The following TPRG1L variants were observed in gnomAD, a reference collection of about 807,000 sequenced individuals.
TPRG1L encodes the protein tumor protein p63 regulated 1 like.
In TPRG1L, 25 loss-of-function variants were observed where a neutral mutation model predicts 29.4. That is an observed-to-expected ratio of 0.85 (90% CI 0.62 to 1.19). TPRG1L has a LOEUF of 1.19. TPRG1L is among the 50% of genes most tolerant of loss of function. The probability of loss-of-function intolerance (pLI) is 0.00; values close to 1 mark genes in which losing one functional copy is unlikely to be tolerated. For missense variants in TPRG1L, 354 were observed against 364.4 expected, an observed-to-expected ratio of 0.97 and a Z score of 0.23; for synonymous variants, 182 against 151.1, an observed-to-expected ratio of 1.20 and a Z score of -1.50.
chr1:3,628,714 C>G lies in TPRG1L; in HGVS notation c.*111C>G. 3 of 991,184 alleles carry G rather than the reference C, an allele frequency of 3.0e-6. No homozygotes were observed. The highest frequency in any genetic ancestry group is 4.4e-6 in the Non-Finnish European group (3 of 681,682). The allele number at this position is 991,184 out of a possible 1,614,324, so 61.4% of individuals were successfully genotyped here. A position where few individuals can be genotyped will look rare whatever the true frequency, so the allele number is the denominator to read the frequency against. On this transcript the variant is annotated 3_prime_UTR_variant, in exon 5 of 5. Coordinates refer to ENST00000378344, the MANE Select transcript of TPRG1L (RefSeq NM_182752.4). The stretch of plus-strand genomic sequence containing the variant: ...GAGGCCTGGCAGTCTTCATGCTGCC[C>G]TGCTGCTGCTGGAAGGATGGGGATC...
Position 3,628,684 on chromosome 1 carries a change from A to T in TPRG1L, c.*81A>T. 1 of 1,413,760 alleles carries T rather than the reference A, an allele frequency of 7.1e-7. No individual in the cohort carries two copies. Among genetic ancestry groups the T allele is most frequent in the South Asian group, 1.4e-5 (1 of 73,196 alleles). The allele number at this position is 1,413,760 out of a possible 1,614,324, so 87.6% of individuals were successfully genotyped here. On this transcript the variant is annotated 3_prime_UTR_variant, in exon 5 of 5. Transcript: ENST00000378344. Reference sequence around the variant, plus strand: ...GGCCAAGGGATGTGGGGGCTGGGGGACTGGGAGGCCTGGCAGTCTTCATGC... The same window carrying T: ...GGCCAAGGGATGTGGGGGCTGGGGGTCTGGGAGGCCTGGCAGTCTTCATGC...
Position 3,627,568 on chromosome 1 carries a change from A to T in TPRG1L, c.539A>T (p.Asn180Ile). Residue 180 changes from asparagine (N) to isoleucine (I), a missense_variant, in exon 4 of 5, where the codon AAT becomes ATT. Asn to Ile is a moderately radical substitution (Grantham distance 149). Coordinates refer to ENST00000378344, the MANE Select transcript of TPRG1L (RefSeq NM_182752.4). ...QSRPSFINRW[N>I]PWSTNVPYAT... is the part of the protein sequence containing the mutation. ...CGTCCTTCCTTCATAAACAGATGGA[A>T]TCCCTGGTCTACCAACGTGCCCTAT... 1 of 1,614,080 alleles carries T rather than the reference A, an allele frequency of 6.2e-7. No homozygotes were observed. The highest frequency in any genetic ancestry group is 8.5e-7 in the Non-Finnish European group (1 of 1,180,024).
Position 3,629,347 on chromosome 1 carries a change from C to T in TPRG1L, c.*744C>T, listed in dbSNP as rs910362220. The T allele has an allele frequency of 1.3e-5, 2 of 152,232 alleles. No individual in the cohort carries two copies. Among genetic ancestry groups the T allele is most frequent in the African/African-American group, 4.8e-5 (2 of 41,464 alleles). The allele number at this position is 152,232 out of a possible 1,614,324, so 9.4% of individuals were successfully genotyped here. A position where few individuals can be genotyped will look rare whatever the true frequency, so the allele number is the denominator to read the frequency against. On this transcript the variant is annotated 3_prime_UTR_variant, in exon 5 of 5. Transcript: ENST00000378344. ...GACAGTTCTTTGCACACAAGTTTTA[C>T]ACCTCTCTGGATTCGAAGTTTGTAT...
At chr1:3,627,029 G>A (rs921141659) in intron 3 of TPRG1L, among the ~76,000 whole-genome samples, 22 of 152,140 alleles carry the variant, frequency 1.4e-4, no homozygotes, top group Non-Finnish European at 7.4e-5. Context: ...ACCACAGGCC[G>A]GCCAGGCACG....
At position 3,625,381 on chromosome 1, in the gene TPRG1L, C is replaced by T. The variant is rs1173470775; in HGVS notation, c.202-43C>T. ...CGGTCCCGCAGGGAGCGAGCTGTGA[C>T]CTGTGATCTTTGCCCCCGTCCCCCA... On this transcript the variant is annotated intron_variant, in intron 1 of 4. Transcript: ENST00000378344. 1.1e-5 allele frequency: 17 copies of T among 1,551,214 alleles called. No homozygotes were observed. In the South Asian group the frequency reaches 1.5e-4, roughly 14 times the overall value.
In TPRG1L at chr1:3,628,389, A is replaced by G; in HGVS notation, c.625-20A>G. ...TATCTTGCCTGACAGTTAAAGCTCC[A>G]TGTTTTTCTCTCTTTAAAGTTGGAA... is the stretch of plus-strand genomic sequence containing the variant. On this transcript the variant is annotated intron_variant, in intron 4 of 4. Coordinates refer to ENST00000378344, the MANE Select transcript of TPRG1L (RefSeq NM_182752.4). 6.4e-7 allele frequency: 1 copy of G among 1,573,420 alleles called. No homozygotes were observed. Among genetic ancestry groups the G allele is most frequent in the Non-Finnish European group, 8.7e-7 (1 of 1,155,214 alleles).
At position 3,628,543 on chromosome 1, in the gene TPRG1L, CTTCA is replaced by C; in HGVS notation, c.762_765del (p.Phe254LeufsTer11). On this transcript the variant is annotated frameshift_variant, in exon 5 of 5. Transcript: ENST00000378344. LOFTEE classifies it high-confidence loss of function. ...TCGAGACCTACGTGGGACTCATGTC[CTTCA>C]TTAACAACGAGGCGAAACTGGGCTA... is the stretch of plus-strand genomic sequence containing the variant. 1.2e-6 allele frequency: 2 copies of C among 1,613,768 alleles called. No homozygotes were observed. Among genetic ancestry groups the C allele is most frequent in the Non-Finnish European group, 1.7e-6 (2 of 1,179,700 alleles).
Position 3,625,858 on chromosome 1 carries a change from G to T in TPRG1L, c.439G>T (p.Glu147Ter), listed in dbSNP as rs148462952. The T allele has an allele frequency of 1.9e-6, 3 of 1,612,540 alleles. No homozygotes were observed. The African/African-American group carries it at 4.0e-5, about 22-fold the overall frequency. Reference sequence around the variant, plus strand: ...CGCAGTAGACACCATTTCCTACGGAGAATTCCAGTTTCCCCCTAAATCGCT... The same window carrying T: ...CGCAGTAGACACCATTTCCTACGGATAATTCCAGTTTCCCCCTAAATCGCT... ...LNAVDTISYG[E>*]FQFPPKSLNK... is the part of the protein sequence containing the mutation. The change falls in exon 3 of 5, where the codon GAA (glutamate) becomes TAA (stop). Residue 147 changes from glutamate (E) to a stop codon, truncating the protein, a stop_gained. Coordinates refer to ENST00000378344, the MANE Select transcript of TPRG1L (RefSeq NM_182752.4). LOFTEE classifies it high-confidence loss of function.
At chr1:3,626,274 T>G (rs564965095) in intron 3 of TPRG1L, among the ~76,000 whole-genome samples, 6 of 152,338 alleles carry the variant, frequency 3.9e-5, no homozygotes, top group African/African-American at 1.4e-4. Flanking sequence ...TGGCTAATTT[T>G]TTAAAGAGAA....
chr1:3,628,336 G>A (rs1290555500), intron 4 of TPRG1L, 73 bp from the exon 5 acceptor site: 1 of 1,360,402 alleles, frequency 7.4e-7, no homozygotes, highest in Non-Finnish European at 1.0e-6. Flanking sequence ...GTCTCAGAAT[G>A]CTAATTTTTT....
chr1:3,628,020 G>A (rs1437604704), intron 4 of TPRG1L, among the ~76,000 whole-genome samples: 2 of 152,238 alleles, frequency 1.3e-5, no homozygotes, highest in Non-Finnish European at 2.9e-5. Context: ...AGGAGGCCTC[G>A]GGGCTGGGGT....
At chr1:3,627,781 C>A in intron 4 of TPRG1L, 128 bp downstream of exon 4, 1 of 1,200,990 alleles carries the variant, frequency 8.3e-7, no homozygotes, top group East Asian at 2.4e-5. Flanking sequence ...TGAGACGTGG[C>A]TAGAAATGAG....
Position 3,625,043 on chromosome 1 carries a change from T to C in TPRG1L, c.-30T>C, listed in dbSNP as rs1644472332. On this transcript the variant is annotated 5_prime_UTR_variant, in exon 1 of 5. Coordinates refer to ENST00000378344, the MANE Select transcript of TPRG1L (RefSeq NM_182752.4). ...TGCGGCGACGGCGGTCGCGTCGGCG[T>C]CAGGGTCGGGGTCGGTAAGGGGTGC... 1 of 1,189,152 alleles carries C rather than the reference T, an allele frequency of 8.4e-7. No homozygotes were observed. Among genetic ancestry groups the C allele is most frequent in the Non-Finnish European group, 1.0e-6 (1 of 954,168 alleles). The allele number at this position is 1,189,152 out of a possible 1,614,324, so 73.7% of individuals were successfully genotyped here.
chr1:3,626,019 C>G lies in TPRG1L; in HGVS notation c.470+130C>G, dbSNP rs1045045800. The stretch of plus-strand genomic sequence containing the variant: ...TTAATTATAAGCACAAAGGCTCCAG[C>G]TCCAAATATCAATGGGAAGTTCCTT... On this transcript the variant is annotated intron_variant, in intron 3 of 4. Transcript: ENST00000378344. 37 of 890,522 alleles carry G rather than the reference C, an allele frequency of 4.2e-5. No individual in the cohort carries two copies. The African/African-American group carries it at 5.2e-4, about 13-fold the overall frequency. 55.2% of individuals were successfully genotyped at this position (890,522 alleles called of 1,614,324 possible). A position where few individuals can be genotyped will look rare whatever the true frequency, so the allele number is the denominator to read the frequency against.
Position 3,625,698 on chromosome 1 carries a change from C to T in TPRG1L, c.294-15C>T, listed in dbSNP as rs1326077996. 6.2e-7 allele frequency: 1 copy of T among 1,605,668 alleles called. No homozygotes were observed. Among genetic ancestry groups the T allele is most frequent in the Non-Finnish European group, 8.5e-7 (1 of 1,175,364 alleles). ...CCGCGTCCAGTGTGGACTGAGGCCC[C>T]TCCTCTGCCTACAGGGTGGATCACT... is the stretch of plus-strand genomic sequence containing the variant. On this transcript the variant is annotated splice_polypyrimidine_tract_variant and intron_variant, in intron 2 of 4. Transcript: ENST00000378344.
Position 3,625,472 on chromosome 1 carries a change from C to G in TPRG1L, c.250C>G (p.Pro84Ala), listed in dbSNP as rs1644478465. 1 of 1,607,342 alleles carries G rather than the reference C, an allele frequency of 6.2e-7. No individual in the cohort carries two copies. The highest frequency in any genetic ancestry group is 1.1e-5 in the South Asian group (1 of 89,576). ...AVEEIRVVVRPVEDGEIQGVW... is the reference protein window; with the variant it reads ...AVEEIRVVVRAVEDGEIQGVW... The stretch of plus-strand genomic sequence containing the variant: ...GGAGGAGATCCGCGTGGTGGTGCGG[C>G]CCGTGGAGGACGGCGAGATCCAGGG... The change falls in exon 2 of 5, where the codon CCC becomes GCC. Residue 84 changes from proline (P) to alanine (A), a missense_variant. Transcript: ENST00000378344.
chr1:3,626,356 A>G (rs1283027546), intron 3 of TPRG1L, among the ~76,000 whole-genome samples: 1 of 152,214 alleles, frequency 6.6e-6, no homozygotes, highest in African/African-American at 2.4e-5. Flanking sequence ...ACCAGCTTTC[A>G]GGAGTTGATC....
chr1:3,627,689 G>A (rs1356044911), intron 4 of TPRG1L, 36 bp downstream of exon 4: 13 of 1,609,638 alleles, frequency 8.1e-6, no homozygotes, highest in Middle Eastern at 1.7e-4. Context: ...CGCGCCCCCC[G>A]CAGTGATGGA....
chr1:3,625,106 G>T lies in TPRG1L; in HGVS notation c.34G>T (p.Gly12Cys), dbSNP rs1644473069. 1 of 1,220,266 alleles carries T rather than the reference G, an allele frequency of 8.2e-7. No individual in the cohort carries two copies. The highest frequency in any genetic ancestry group is 4.0e-5 in the South Asian group (1 of 24,868). 75.6% of individuals were successfully genotyped at this position (1,220,266 alleles called of 1,614,324 possible). The part of the protein sequence containing the change: ...LQLRDSVDSA[G>C]TSPTAVLAAG... ...ACTGCGGGACTCGGTGGACTCGGCC[G>T]GTACGAGCCCCACGGCGGTGCTGGC... Residue 12 changes from glycine (G) to cysteine (C), a missense_variant, in exon 1 of 5, where the codon GGT becomes TGT. Transcript: ENST00000378344.
Sources: gnomAD v4.1 joint callset for allele counts (sites outside exome capture counted in the v4.1 genomes callset) on GRCh38, gnomAD v4.1.1 for gene constraint, MANE v1.5 for transcripts, NCBI Gene and HGNC (gene_info 2026-07-23, HGNC 2026-07-21) for gene names.